The following MAGI2 variants were observed in gnomAD, a reference collection of about 807,000 sequenced individuals.
The protein encoded by MAGI2 is membrane associated guanylate kinase, WW and PDZ domain containing 2.
MAGI2 carries 35 observed loss-of-function variants against 133.3 expected under a neutral mutation model. That is an observed-to-expected ratio of 0.26 (90% CI 0.20 to 0.35). MAGI2 has a LOEUF of 0.35. Among genes scored for constraint, MAGI2 ranks in the 10% least tolerant of loss-of-function variants. The probability of loss-of-function intolerance (pLI) is 1.00; values close to 1 mark genes in which losing one functional copy is unlikely to be tolerated. For synonymous variants in MAGI2, 729 were observed against 710.6 expected (o/e 1.03, Z -0.41); for missense variants, 1,636 against 1,863.4 (o/e 0.88, Z 2.25).
intron 1 of MAGI2, among the ~76,000 whole-genome samples, chr7:79,276,313 C>T (rs530877781): frequency 3.1e-4 from 47 of 152,148 alleles, no homozygotes; most frequent in African/African-American, 9.6e-4. Context: ...GAAGTCACTG[C>T]TTATGTAGTA....
chr7:78,640,073 C>T (rs995205673), intron 2 of MAGI2, among the ~76,000 whole-genome samples: 3 of 152,088 alleles, frequency 2.0e-5, no homozygotes, highest in African/African-American at 7.2e-5. Context: ...GTCTTTTAGG[C>T]ATGAAGGGCA....
At chr7:79,263,265 AT>A (rs1834206375) in intron 1 of MAGI2, among the ~76,000 whole-genome samples, 2 of 152,102 alleles carry the variant, frequency 1.3e-5, no homozygotes, top group South Asian at 2.1e-4. Flanking sequence ...CTTCACGTTT[AT>A]TTTATCATGT....
At chr7:79,251,993 C>T (rs76059991) in intron 1 of MAGI2, among the ~76,000 whole-genome samples, 1 of 151,740 alleles carries the variant, frequency 6.6e-6, no homozygotes, top group African/African-American at 2.4e-5. Context: ...CTCATCTTTA[C>T]TAAAAATAGA....
At chr7:79,175,809 C>G (rs1402023535) in intron 1 of MAGI2, among the ~76,000 whole-genome samples, 2 of 151,980 alleles carry the variant, frequency 1.3e-5, no homozygotes, top group African/African-American at 2.4e-5. Flanking sequence ...CTATTATAAT[C>G]TTATGAGACC....
chr7:78,239,503 CTG>C (rs1210322199), intron 10 of MAGI2, among the ~76,000 whole-genome samples: 1 of 152,054 alleles, frequency 6.6e-6, no homozygotes, highest in Admixed American at 6.6e-5. Flanking sequence ...TATTTGTAAA[CTG>C]TACATGGATA....
At chr7:78,224,889 T>C (rs1789211275) in intron 10 of MAGI2, among the ~76,000 whole-genome samples, 1 of 152,082 alleles carries the variant, frequency 6.6e-6, no homozygotes, top group African/African-American at 2.4e-5. Context: ...CTGAAGATGC[T>C]GGGCATTCCT....
intron 3 of MAGI2, among the ~76,000 whole-genome samples, chr7:78,573,029 A>C (rs2150774772): frequency 1.6e-5 from 1 of 62,972 alleles, no homozygotes; most frequent in Admixed American, 2.5e-4. Flanking sequence ...ATATATGCAT[A>C]TGTATGTATA....
chr7:79,332,980 T>A (rs1260371819), intron 1 of MAGI2, among the ~76,000 whole-genome samples: 1 of 152,102 alleles, frequency 6.6e-6, no homozygotes, highest in Non-Finnish European at 1.5e-5. Context: ...TTGAAAAAAA[T>A]AACAATGTAG....
chr7:78,745,407 C>G (rs1353173023), intron 2 of MAGI2, among the ~76,000 whole-genome samples: 1 of 152,116 alleles, frequency 6.6e-6, no homozygotes, highest in African/African-American at 2.4e-5. Flanking sequence ...GGCAAGCTTT[C>G]TGTTCCCAAC....
intron 2 of MAGI2, among the ~76,000 whole-genome samples, chr7:78,877,372 T>G (rs1043186600): frequency 6.6e-6 from 1 of 152,240 alleles, no homozygotes; most frequent in African/African-American, 2.4e-5. Context: ...TAAGCTATTT[T>G]GGAAATAAAT....
chr7:78,525,854 G>A (rs925552741), intron 3 of MAGI2, among the ~76,000 whole-genome samples: 21 of 152,138 alleles, frequency 1.4e-4, no homozygotes, highest in African/African-American at 5.1e-4. Flanking sequence ...CCTGCACACC[G>A]TCATGGGCAT....
chr7:78,979,200 C>A (rs934012118), intron 2 of MAGI2, among the ~76,000 whole-genome samples: 1 of 151,784 alleles, frequency 6.6e-6, no homozygotes, highest in African/African-American at 2.4e-5. Flanking sequence ...TAGTAATGAG[C>A]ATACCAAGTG....
chr7:78,287,345 A>G (rs1457205643), intron 9 of MAGI2, among the ~76,000 whole-genome samples: 1 of 151,906 alleles, frequency 6.6e-6, no homozygotes, highest in Admixed American at 6.6e-5. Context: ...AGCTAAACAT[A>G]CTAGGAAATG....
At chr7:78,509,052 C>T (rs541365377) in intron 4 of MAGI2, among the ~76,000 whole-genome samples, 50 of 152,104 alleles carry the variant, frequency 3.3e-4, no homozygotes, top group African/African-American at 1.1e-3. Flanking sequence ...AACGAACAGA[C>T]TTTATCAAAC....
intron 6 of MAGI2, among the ~76,000 whole-genome samples, chr7:78,408,607 G>C (rs1797598862): frequency 6.6e-6 from 1 of 152,070 alleles, no homozygotes; most frequent in African/African-American, 2.4e-5. Flanking sequence ...AGTAAGCAGA[G>C]ACCTGTAGGA....
At chr7:78,491,633 T>G (rs1373282100) in intron 5 of MAGI2, among the ~76,000 whole-genome samples, 1 of 152,038 alleles carries the variant, frequency 6.6e-6, no homozygotes, top group Non-Finnish European at 1.5e-5. Flanking sequence ...CTGGTGGTGC[T>G]TCATTATCAA....
At position 78,118,758 on chromosome 7, in the gene MAGI2, G is replaced by A. The variant is rs367555778; in HGVS notation, c.3567+6936C>T. ...ACTCTCAATCGTCACTGGTGGGAAT[G>A]TAAAATGGTATAGCCAATTTGGAAG... On this transcript the variant is annotated intron_variant, in intron 20 of 21. Transcript: ENST00000354212. Among the ~76,000 whole-genome samples, 3 of 152,182 alleles carry A rather than the reference G, an allele frequency of 2.0e-5. No homozygotes were observed. In the South Asian group the frequency reaches 6.2e-4, roughly 32 times the overall value.
At chr7:79,369,628 C>T (rs1842935120) in intron 1 of MAGI2, among the ~76,000 whole-genome samples, 1 of 152,094 alleles carries the variant, frequency 6.6e-6, no homozygotes, top group South Asian at 2.1e-4. Context: ...AACTCCAGCA[C>T]AACTTAAAAT....
At chr7:78,331,415 C>T (rs1017669562) in intron 9 of MAGI2, among the ~76,000 whole-genome samples, 3 of 152,178 alleles carry the variant, frequency 2.0e-5, no homozygotes, top group Non-Finnish European at 2.9e-5. Flanking sequence ...ATAGCAGAAT[C>T]CGGTAAATCT....
Sources: allele counts gnomAD v4.1 joint callset (sites outside exome capture counted in the v4.1 genomes callset), GRCh38; gene constraint gnomAD v4.1.1; transcripts MANE v1.5; gene names NCBI Gene and HGNC (gene_info 2026-07-23, HGNC 2026-07-21).